Variants in ECPAS observed in about 807,000 individuals in gnomAD.
ECPAS encodes proteasome adapter and scaffold protein ECM29.
Under a neutral mutation model 255.1 loss-of-function variants are expected in ECPAS, and 70 were observed. That is an observed-to-expected ratio of 0.27 (90% confidence interval 0.23 to 0.33). ECPAS has a LOEUF of 0.33. ECPAS is among the 10% of genes least tolerant of loss of function. The pLI, the probability that ECPAS is intolerant of heterozygous loss-of-function variation, is 1.00. For synonymous variants in ECPAS, 784 were observed against 775.0 expected, an observed-to-expected ratio of 1.01 and a Z score of -0.19; for missense variants, 1,817 against 2,206.4, an observed-to-expected ratio of 0.82 and a Z score of 3.54.
intron 10 of ECPAS, among the ~76,000 whole-genome samples, chr9:111,427,752 A>G (rs2098223867): frequency 6.6e-6 from 1 of 152,218 alleles, no homozygotes; most frequent in African/African-American, 2.4e-5. Flanking sequence ...CCATCACATG[A>G]GACCAGGTAT....
At chr9:111,459,427 T>C (rs1427673266) in intron 2 of ECPAS, among the ~76,000 whole-genome samples, 6 of 152,100 alleles carry the variant, frequency 3.9e-5, no homozygotes, top group Admixed American at 3.9e-4. Context: ...TGACTACTAC[T>C]ACAAAAATAA....
At chr9:111,412,819 C>A (rs530095784) in intron 20 of ECPAS, among the ~76,000 whole-genome samples, 1 of 152,220 alleles carries the variant, frequency 6.6e-6, no homozygotes, top group East Asian at 1.9e-4. Flanking sequence ...CACCTCCTGG[C>A]AAATTTCATT....
Position 111,403,550 on chromosome 9 carries a change from C to T in ECPAS, c.2652+5021G>A, listed in dbSNP as rs138681044. ...CATAATGATAAAGGGCTCAATTCAG[C>T]AAGAGCATATAAAGGTTATAAATAT... On this transcript the variant is annotated intron_variant, in intron 24 of 49. Transcript: ENST00000684092. Among the ~76,000 whole-genome samples the T allele has an allele frequency of 2.7e-5, 4 of 149,774 alleles. 1 individual carries two copies. Among genetic ancestry groups the T allele is most frequent in the African/African-American group, 1.0e-4 (4 of 39,540 alleles).
intron 7 of ECPAS, among the ~76,000 whole-genome samples, chr9:111,434,818 G>A (rs2098235399): frequency 6.7e-6 from 1 of 150,140 alleles, no homozygotes; most frequent in Non-Finnish European, 1.5e-5. Context: ...GGCTAGCCTC[G>A]AACTCCTGAC....
At chr9:111,396,996 A>G in intron 25 of ECPAS, 34 bp downstream of exon 25, 1 of 1,613,332 alleles carries the variant, frequency 6.2e-7, no homozygotes, top group Non-Finnish European at 8.5e-7. Context: ...AGGTTACTTG[A>G]TCATTATAAA....
intron 8 of ECPAS, among the ~76,000 whole-genome samples, chr9:111,430,854 A>C (rs957831648): frequency 1.3e-5 from 2 of 152,224 alleles, no homozygotes; most frequent in African/African-American, 2.4e-5. Flanking sequence ...ACCCAGACTC[A>C]ACAGATTATT....
Position 111,484,325 on chromosome 9 carries a change from C to A in ECPAS, c.-292G>T. 1 of 1,598,488 alleles carries A rather than the reference C, an allele frequency of 6.3e-7. No individual in the cohort carries two copies. On this transcript the variant is annotated 5_prime_UTR_variant, in exon 1 of 50. Transcript: ENST00000684092. ...GCCCTTTTCCGAGGTCTGCGGCTGT[C>A]ACGTTGGCTGGGCCCGACCTGGGGA...
chr9:111,392,851 A>G lies in ECPAS; in HGVS notation c.3009T>C (p.Leu1003=), dbSNP rs2098162236. ...ELSQDVASKG[L]GLVYELGNEQ... ...CATTGCCTAGTTCATAAACCAACCC[A>G]AGGCCCTTTGATGCAACATCTTGGC... The change falls in exon 28 of 50, where the codon CTT becomes CTC. Residue 1003 remains leucine (L), a synonymous_variant. Coordinates refer to ENST00000684092, the MANE Select transcript of ECPAS (RefSeq NM_001364929.1). The G allele has an allele frequency of 6.2e-7, 1 of 1,613,106 alleles. No homozygotes were observed. Among genetic ancestry groups the G allele is most frequent in the Admixed American group, 1.7e-5 (1 of 59,940 alleles).
At chr9:111,431,925 G>A (rs1413153101) in intron 8 of ECPAS, among the ~76,000 whole-genome samples, 1 of 152,088 alleles carries the variant, frequency 6.6e-6, no homozygotes, top group Non-Finnish European at 1.5e-5. Context: ...CTCAAGCTCC[G>A]CCGTTGCTTT....
At chr9:111,481,216 G>A (rs914636490) in intron 1 of ECPAS, among the ~76,000 whole-genome samples, 2 of 152,248 alleles carry the variant, frequency 1.3e-5, no homozygotes, top group Non-Finnish European at 2.9e-5. Flanking sequence ...TACAGTGGGG[G>A]CCGGGCGCGG....
chr9:111,383,956 G>A (rs187853216), intron 34 of ECPAS, among the ~76,000 whole-genome samples: 21 of 112,512 alleles, frequency 1.9e-4, no homozygotes, highest in Middle Eastern at 3.9e-3. Flanking sequence ...AAATAAAGAA[G>A]TTTTGAAGTG....
Position 111,423,188 on chromosome 9 carries a change from A to G in ECPAS, c.1265+11T>C. 1 of 1,543,608 alleles carries G rather than the reference A, an allele frequency of 6.5e-7. No homozygotes were observed. On this transcript the variant is annotated intron_variant, in intron 13 of 49. Transcript: ENST00000684092. ...AACACCATATCTCTCACTAAAAAAGAGTTTACTCACCTGGAGAGTTTTCCA... is the reference window on the plus strand; with the variant it reads ...AACACCATATCTCTCACTAAAAAAGGGTTTACTCACCTGGAGAGTTTTCCA...
intron 20 of ECPAS, 52 bp downstream of exon 20, chr9:111,413,843 G>A: frequency 8.8e-7 from 1 of 1,141,976 alleles, no homozygotes. Flanking sequence ...AAATCATGAA[G>A]TTAAGGTCTG....
At chr9:111,427,213 A>T (rs1252515607) in intron 10 of ECPAS, among the ~76,000 whole-genome samples, 1 of 152,032 alleles carries the variant, frequency 6.6e-6, no homozygotes, top group African/African-American at 2.4e-5. Flanking sequence ...GGCCAAGACT[A>T]GAGGCAGGAA....
chr9:111,388,798 C>T (rs2098154705), intron 31 of ECPAS, among the ~76,000 whole-genome samples: 1 of 151,776 alleles, frequency 6.6e-6, no homozygotes, highest in African/African-American at 2.4e-5. Flanking sequence ...GGTGGTGAGA[C>T]ACAGATCAAA....
At chr9:111,464,871 C>T (rs2098277526) in intron 2 of ECPAS, among the ~76,000 whole-genome samples, 1 of 152,092 alleles carries the variant, frequency 6.6e-6, no homozygotes, top group Admixed American at 6.6e-5. Flanking sequence ...ATTGCATCTG[C>T]AATGTTTATT....
rs1045382912 is a variant in ECPAS at position 111,483,553 on chromosome 9, G to C, written c.-83+563C>G. 9.2e-5 allele frequency: 89 copies of C among 971,332 alleles called. No homozygotes were observed. In the African/African-American group the frequency reaches 1.2e-3, roughly 13 times the overall value. 60.2% of individuals were successfully genotyped at this position (971,332 alleles called of 1,614,324 possible). A position where few individuals can be genotyped will look rare whatever the true frequency, so the allele number is the denominator to read the frequency against. On this transcript the variant is annotated intron_variant, in intron 1 of 49. Coordinates refer to ENST00000684092, the MANE Select transcript of ECPAS (RefSeq NM_001364929.1). ...CGGCGGCCGCAGCCATGTTGCGCCGGGGAGGGAACGAGGGAGGGGCTGGGG... is the reference window on the plus strand; with the variant it reads ...CGGCGGCCGCAGCCATGTTGCGCCGCGGAGGGAACGAGGGAGGGGCTGGGG...
chr9:111,372,371 TAA>T (rs2098128422), intron 42 of ECPAS, 56 bp downstream of exon 42: 1 of 1,486,404 alleles, frequency 6.7e-7, no homozygotes, highest in African/African-American at 1.4e-5. Flanking sequence ...CGAATGCAAG[TAA>T]AAAATTCTAG....
intron 8 of ECPAS, among the ~76,000 whole-genome samples, chr9:111,431,625 C>T (rs1473830997): frequency 6.6e-6 from 1 of 151,426 alleles, no homozygotes; most frequent in Non-Finnish European, 1.5e-5. Context: ...CCCACCCACT[C>T]ATTTCATAAA....
Sources: gnomAD v4.1 joint callset for allele counts (sites outside exome capture counted in the v4.1 genomes callset) on GRCh38, gnomAD v4.1.1 for gene constraint, MANE v1.5 for transcripts, NCBI Gene and HGNC (gene_info 2026-07-23, HGNC 2026-07-21) for gene names.